Variants in ASAP1 observed in about 807,000 individuals in gnomAD.
The protein encoded by ASAP1 is ArfGAP with SH3 domain, ankyrin repeat and PH domain 1, also known as arf-GAP with SH3 domain, ANK repeat and PH domain-containing protein 1.
ASAP1 carries 43 observed loss-of-function variants against 145.2 expected under a neutral mutation model. The ratio of observed to expected loss-of-function variants is 0.30; its 90% CI spans 0.23 to 0.38. ASAP1 has a LOEUF of 0.38. ASAP1 is among the 10% of genes least tolerant of loss of function. ASAP1 has a pLI of 1.00. For missense variants in ASAP1, 1,018 were observed against 1,355.3 expected (o/e 0.75, Z 3.91); for synonymous variants, 546 against 515.5 (o/e 1.06, Z -0.80).
chr8:130,285,398 G>A (rs946974844), intron 3 of ASAP1, among the ~76,000 whole-genome samples: 11 of 152,066 alleles, frequency 7.2e-5, no homozygotes, highest in Non-Finnish European at 1.3e-4. Flanking sequence ...CATGAATGAA[G>A]AGAATTTTAT....
intron 15 of ASAP1, 28 bp from the exon 16 acceptor site, chr8:130,128,118 A>C: frequency 7.4e-7 from 1 of 1,356,592 alleles, no homozygotes; most frequent in Non-Finnish European, 9.7e-7. Flanking sequence ...AGAGGAAAAA[A>C]GTCTTTATAA....
chr8:130,443,581 G>C lies in ASAP1; in HGVS notation c.-149C>G, dbSNP rs141171296. The C allele has an allele frequency of 6.6e-6, 1 of 150,974 alleles. No homozygotes were observed. Among genetic ancestry groups the C allele is most frequent in the South Asian group, 2.1e-4 (1 of 4,836 alleles). The allele number at this position is 150,974 out of a possible 1,614,324, so 9.4% of individuals were successfully genotyped here. The stretch of plus-strand genomic sequence containing the variant: ...GGCTGGGCGGGAGGCGCGGGCCCGG[G>C]GCTGCCCAGCGCACAGTGCTCGCCC... On this transcript the variant is annotated 5_prime_UTR_variant, in exon 1 of 30. Coordinates refer to ENST00000518721, the MANE Select transcript of ASAP1 (RefSeq NM_018482.4).
At chr8:130,229,413 T>A (rs549353857) in intron 4 of ASAP1, among the ~76,000 whole-genome samples, 2 of 152,244 alleles carry the variant, frequency 1.3e-5, no homozygotes, top group East Asian at 1.9e-4. Flanking sequence ...TGATGAGACA[T>A]AAACCATTTA....
chr8:130,409,486 C>T (rs977851924), intron 1 of ASAP1, among the ~76,000 whole-genome samples: 3 of 152,138 alleles, frequency 2.0e-5, no homozygotes, highest in East Asian at 3.9e-4. Flanking sequence ...TTTTCCTAAT[C>T]CCTCTTCTCC....
At chr8:130,163,365 G>C (rs747791382) in intron 11 of ASAP1, among the ~76,000 whole-genome samples, 2 of 152,174 alleles carry the variant, frequency 1.3e-5, no homozygotes, top group Non-Finnish European at 2.9e-5. Flanking sequence ...ACTAGCTTAA[G>C]TAAACCTTAA....
intron 29 of ASAP1, among the ~76,000 whole-genome samples, chr8:130,057,698 T>G (rs576967868): frequency 4.2e-4 from 64 of 152,346 alleles, no homozygotes; most frequent in African/African-American, 1.3e-3. Context: ...TCCATCCGCC[T>G]CAGCCTCCCA....
chr8:130,125,447 C>T (rs1015164692), intron 17 of ASAP1, among the ~76,000 whole-genome samples: 2 of 152,150 alleles, frequency 1.3e-5, no homozygotes, highest in South Asian at 4.1e-4. Flanking sequence ...ACCACAACTT[C>T]TCACAATTTC....
intron 1 of ASAP1, among the ~76,000 whole-genome samples, chr8:130,411,987 G>T (rs1018921562): frequency 1.3e-5 from 2 of 152,120 alleles, no homozygotes; most frequent in Non-Finnish European, 2.9e-5. Flanking sequence ...TTACTCCCTC[G>T]CAGGAAGCCC....
intron 5 of ASAP1, among the ~76,000 whole-genome samples, chr8:130,211,878 C>G (rs1371589267): frequency 6.6e-6 from 1 of 152,184 alleles, no homozygotes; most frequent in Non-Finnish European, 1.5e-5. Context: ...CTGGCCTTCA[C>G]TAGCCTAAGA....
chr8:130,291,017 G>A (rs1821912656), intron 3 of ASAP1, among the ~76,000 whole-genome samples: 1 of 152,154 alleles, frequency 6.6e-6, no homozygotes, highest in Admixed American at 6.5e-5. Context: ...CAGAAAAGAC[G>A]AGTTGCCAAG....
intron 3 of ASAP1, 48 bp from the exon 4 acceptor site, chr8:130,237,042 A>T (rs1305149100): frequency 2.2e-6 from 3 of 1,391,506 alleles, no homozygotes; most frequent in Non-Finnish European, 2.0e-6. Context: ...TTGGTAAATT[A>T]AAAAAATAAT....
intron 3 of ASAP1, among the ~76,000 whole-genome samples, chr8:130,352,923 C>T (rs377300005): frequency 6.6e-6 from 1 of 152,194 alleles, no homozygotes; most frequent in South Asian, 2.1e-4. Context: ...CAGACCCAAA[C>T]TTGATTTCCA....
intron 15 of ASAP1, among the ~76,000 whole-genome samples, chr8:130,130,637 A>G (rs1364826484): frequency 6.6e-6 from 1 of 152,246 alleles, no homozygotes; most frequent in Admixed American, 6.5e-5. Context: ...AAGATAAAAA[A>G]TAACTTGGCA....
chr8:130,192,051 C>T (rs1400953048), intron 5 of ASAP1, among the ~76,000 whole-genome samples: 1 of 151,966 alleles, frequency 6.6e-6, no homozygotes, highest in African/African-American at 2.4e-5. Flanking sequence ...AAGAAACAAT[C>T]ACTTCTTTCT....
At chr8:130,055,090 C>G (rs1428126609) in intron 29 of ASAP1, among the ~76,000 whole-genome samples, 4 of 152,198 alleles carry the variant, frequency 2.6e-5, no homozygotes, top group Non-Finnish European at 5.9e-5. Context: ...AGTTTACAAT[C>G]TTCATTTTAC....
intron 2 of ASAP1, among the ~76,000 whole-genome samples, chr8:130,375,046 C>T (rs1827417348): frequency 6.6e-6 from 1 of 152,194 alleles, no homozygotes; most frequent in African/African-American, 2.4e-5. Context: ...ACCTCGTCCA[C>T]TTGCACATTT....
chr8:130,430,487 C>A (rs975236371), intron 1 of ASAP1, among the ~76,000 whole-genome samples: 1 of 152,156 alleles, frequency 6.6e-6, no homozygotes, highest in Non-Finnish European at 1.5e-5. Flanking sequence ...GGCTGACCCT[C>A]GGTCTGAGCA....
At chr8:130,400,610 A>AC (rs1431804334) in intron 2 of ASAP1, among the ~76,000 whole-genome samples, 24 of 141,384 alleles carry the variant, frequency 1.7e-4, no homozygotes, top group Admixed American at 1.5e-3. Context: ...ACACGGTGAA[A>AC]CCCGTCTCTA....
At position 130,299,134 on chromosome 8, in the gene ASAP1, G is replaced by A. The variant is rs544374991; in HGVS notation, c.186+58883C>T. 1.3e-4 allele frequency among the ~76,000 whole-genome samples: 20 copies of A among 152,242 alleles called. No individual in the cohort carries two copies. In the South Asian group the frequency reaches 3.9e-3, roughly 30 times the overall value. ...GAATAAGCTGGATGCCCGTGTGTCCGTGCCTCTGCAGGTCTGCCCAGAGGC... is the reference window on the plus strand; with the variant it reads ...GAATAAGCTGGATGCCCGTGTGTCCATGCCTCTGCAGGTCTGCCCAGAGGC... On this transcript the variant is annotated intron_variant, in intron 3 of 29. Coordinates refer to ENST00000518721, the MANE Select transcript of ASAP1 (RefSeq NM_018482.4).
Sources: gnomAD v4.1 joint callset for allele counts (sites outside exome capture counted in the v4.1 genomes callset) on GRCh38, gnomAD v4.1.1 for gene constraint, MANE v1.5 for transcripts, NCBI Gene and HGNC (gene_info 2026-07-23, HGNC 2026-07-21) for gene names.